DKK2: variants seen among roughly 807,000 people sequenced by gnomAD.
The protein encoded by DKK2 is dickkopf-related protein 2.
DKK2 carries 11 observed loss-of-function variants against 28.1 expected under a neutral mutation model. That is an observed-to-expected ratio of 0.39 (90% CI 0.25 to 0.65). The LOEUF (loss-of-function observed/expected upper bound fraction) is 0.65, where lower values mean the gene tolerates loss of function less well. DKK2 is among the 30% of genes least tolerant of loss of function. The pLI is 0.47. For synonymous variants in DKK2, 135 were observed against 126.5 expected (o/e 1.07, Z -0.45); for missense variants, 326 against 335.5 (o/e 0.97, Z 0.22).
chr4:106,948,208 C>T (rs1163880930), intron 1 of DKK2, among the ~76,000 whole-genome samples: 1 of 152,034 alleles, frequency 6.6e-6, no homozygotes, highest in East Asian at 1.9e-4. Context: ...CTCTACCAGA[C>T]CAGAGGTTCT....
At chr4:106,987,770 A>AAATT (rs1723141874) in intron 1 of DKK2, among the ~76,000 whole-genome samples, 1 of 151,836 alleles carries the variant, frequency 6.6e-6, no homozygotes. Context: ...TAGCTACCTC[A>AAATT]TATCTTCACA....
intron 1 of DKK2, among the ~76,000 whole-genome samples, chr4:107,006,263 C>A (rs1011410482): frequency 3.9e-5 from 6 of 152,120 alleles, no homozygotes. Context: ...TTATTAATGA[C>A]AATCATCTTT....
intron 1 of DKK2, among the ~76,000 whole-genome samples, chr4:106,933,135 G>T (rs533269627): frequency 2.6e-4 from 40 of 152,208 alleles, no homozygotes; most frequent in Admixed American, 2.4e-3. Flanking sequence ...CCAGGAATCT[G>T]TACTTTTAAC....
chr4:107,001,059 A>G (rs1451741304), intron 1 of DKK2, among the ~76,000 whole-genome samples: 2 of 151,760 alleles, frequency 1.3e-5, no homozygotes, highest in African/African-American at 4.8e-5. Context: ...CTTCTGACGA[A>G]AAAAAAAACA....
At chr4:107,033,027 T>C (rs1314606679) in intron 1 of DKK2, among the ~76,000 whole-genome samples, 1 of 151,200 alleles carries the variant, frequency 6.6e-6, no homozygotes, top group Non-Finnish European at 1.5e-5. Flanking sequence ...ATTATTCTTT[T>C]CACTTCAAAG....
chr4:106,989,497 A>G (rs1723174147), intron 1 of DKK2, among the ~76,000 whole-genome samples: 1 of 152,208 alleles, frequency 6.6e-6, no homozygotes, highest in South Asian at 2.1e-4. Context: ...GGAATATGAT[A>G]GCTACTTCAC....
chr4:106,961,954 A>G (rs2110350657), intron 1 of DKK2, among the ~76,000 whole-genome samples: 1 of 152,306 alleles, frequency 6.6e-6, no homozygotes, highest in South Asian at 2.1e-4. Flanking sequence ...TCATCAGGGC[A>G]AAGCTTGAGA....
At chr4:107,008,562 C>T (rs893168190) in intron 1 of DKK2, among the ~76,000 whole-genome samples, 4 of 151,936 alleles carry the variant, frequency 2.6e-5, no homozygotes, top group Admixed American at 6.6e-5. Flanking sequence ...AATAAGCAAT[C>T]TTGTAAATCA....
Position 106,922,306 on chromosome 4 carries a change from G to C in DKK2, c.*1648C>G, listed in dbSNP as rs922629570. ...TTTAAGTAAAAGAAAACTAAAAAGT[G>C]AATTGTGGTCTACAAAAGTTTAAAG... On this transcript the variant is annotated 3_prime_UTR_variant, in exon 4 of 4. Transcript: ENST00000285311. 6.6e-6 allele frequency: 1 copy of C among 152,116 alleles called. No individual in the cohort carries two copies. The highest frequency in any genetic ancestry group is 1.9e-4 in the East Asian group (1 of 5,198). The allele number at this position is 152,116 out of a possible 1,614,324, so 9.4% of individuals were successfully genotyped here. A position where few individuals can be genotyped will look rare whatever the true frequency, so the allele number is the denominator to read the frequency against.
intron 1 of DKK2, among the ~76,000 whole-genome samples, chr4:106,994,959 A>G (rs1362013495): frequency 6.6e-6 from 1 of 152,230 alleles, no homozygotes; most frequent in Non-Finnish European, 1.5e-5. Flanking sequence ...CTGTTATTCT[A>G]CAACAAAAAT....
chr4:106,954,903 G>A (rs1385959102), intron 1 of DKK2, among the ~76,000 whole-genome samples: 1 of 152,206 alleles, frequency 6.6e-6, no homozygotes, highest in Non-Finnish European at 1.5e-5. Flanking sequence ...ATGTTAAACA[G>A]AACGCTTTAT....
chr4:107,013,909 GATATT>G (rs1054970892), intron 1 of DKK2, among the ~76,000 whole-genome samples: 1 of 151,248 alleles, frequency 6.6e-6, no homozygotes, highest in African/African-American at 2.4e-5. Context: ...CAAAAGAAGA[GATATT>G]ATATGACAAA....
At chr4:106,974,236 G>C (rs1390806897) in intron 1 of DKK2, among the ~76,000 whole-genome samples, 1 of 151,828 alleles carries the variant, frequency 6.6e-6, no homozygotes, top group African/African-American at 2.4e-5. Context: ...TCTTTTTTGG[G>C]TCCATATGAA....
chr4:107,035,077 A>G (rs933404543), intron 1 of DKK2, among the ~76,000 whole-genome samples: 5 of 152,156 alleles, frequency 3.3e-5, no homozygotes, highest in African/African-American at 1.2e-4. Flanking sequence ...AAATGGAAGG[A>G]CCATCCTGAC....
intron 1 of DKK2, among the ~76,000 whole-genome samples, chr4:107,001,740 A>G (rs1340458713): frequency 6.6e-6 from 1 of 152,206 alleles, no homozygotes; most frequent in African/African-American, 2.4e-5. Flanking sequence ...CTCAGAAGAC[A>G]ATATGTTGTA....
Position 107,014,974 on chromosome 4 carries a change from T to C in DKK2, c.222+20396A>G, listed in dbSNP as rs115089786. On this transcript the variant is annotated intron_variant, in intron 1 of 3. Coordinates refer to ENST00000285311, the MANE Select transcript of DKK2 (RefSeq NM_014421.3). ...TACCCTAATTTATATATACATTATC[T>C]TGATCATGAACATTTGGGTTGTTTC... 3.2e-3 allele frequency among the ~76,000 whole-genome samples: 488 copies of C among 151,690 alleles called. 4 individuals carry two copies. Among genetic ancestry groups the C allele is most frequent in the African/African-American group, 0.011 (472 of 41,506 alleles).
chr4:107,035,322 T>C, intron 1 of DKK2, 48 bp downstream of exon 1: 1 of 1,600,262 alleles, frequency 6.2e-7, no homozygotes, highest in Non-Finnish European at 8.6e-7. Context: ...CCAAGAGAGC[T>C]GGCCCCTGCC....
intron 1 of DKK2, among the ~76,000 whole-genome samples, chr4:106,963,515 C>G (rs185792232): frequency 6.1e-4 from 93 of 152,202 alleles, no homozygotes; most frequent in African/African-American, 2.1e-3. Context: ...TGGATTTTAT[C>G]CAATAGACTG....
chr4:106,937,781 T>C (rs373214876), intron 1 of DKK2, among the ~76,000 whole-genome samples: 1 of 150,206 alleles, frequency 6.7e-6, no homozygotes, highest in East Asian at 2.0e-4. Context: ...CAGACCACAG[T>C]GCAATCAAAC....
Sources: allele counts gnomAD v4.1 joint callset (sites outside exome capture counted in the v4.1 genomes callset), GRCh38; gene constraint gnomAD v4.1.1; transcripts MANE v1.5; gene names NCBI Gene and HGNC (gene_info 2026-07-23, HGNC 2026-07-21).